The following RYR3 variants were observed in gnomAD, a reference collection of about 807,000 sequenced individuals.
RYR3 encodes brain ryanodine receptor-calcium release channel.
Under a neutral mutation model 584.3 loss-of-function variants are expected in RYR3, and 207 were observed. The observed-to-expected ratio is 0.35, with a 90% CI of 0.32 to 0.40. The LOEUF is 0.40. RYR3 is among the 10% of genes least tolerant of loss of function. RYR3 has a pLI of 1.00. For synonymous variants in RYR3, 2,416 were observed against 2,248.5 expected (o/e 1.07, Z -2.11); for missense variants, 5,616 against 6,089.2 (o/e 0.92, Z 2.59).
chr15:33,664,404 T>C (rs1156524499), intron 36 of RYR3, among the ~76,000 whole-genome samples: 1 of 152,000 alleles, frequency 6.6e-6, no homozygotes, highest in African/African-American at 2.4e-5. Context: ...TTCTGTAGAA[T>C]AGGAGTTTCC....
At chr15:33,810,789 C>A in intron 71 of RYR3, 140 bp downstream of exon 71, 1 of 1,133,400 alleles carries the variant, frequency 8.8e-7, no homozygotes, top group Non-Finnish European at 1.3e-6. Flanking sequence ...AGGCAACACG[C>A]CCTCATCTTT....
At chr15:33,758,390 T>C (rs544884776) in intron 60 of RYR3, among the ~76,000 whole-genome samples, 3 of 152,272 alleles carry the variant, frequency 2.0e-5, no homozygotes, top group Admixed American at 2.0e-4. Context: ...GAAGATCCAC[T>C]GGCTTGAAAT....
chr15:33,820,527 C>T (rs765375997), intron 77 of RYR3, among the ~76,000 whole-genome samples: 2 of 152,188 alleles, frequency 1.3e-5, no homozygotes, highest in African/African-American at 2.4e-5. Flanking sequence ...ATGATGTGAG[C>T]TCTGTGTTCT....
intron 10 of RYR3, among the ~76,000 whole-genome samples, chr15:33,552,600 A>G (rs546102322): frequency 1.3e-5 from 2 of 152,172 alleles, no homozygotes; most frequent in Admixed American, 6.5e-5. Flanking sequence ...CTTCATTTCA[A>G]TTTGAAAGGA....
At chr15:33,812,122 C>T (rs1196378982) in intron 72 of RYR3, among the ~76,000 whole-genome samples, 1 of 152,038 alleles carries the variant, frequency 6.6e-6, no homozygotes, top group African/African-American at 2.4e-5. Flanking sequence ...AAATACAGAG[C>T]AAGAAACTTC....
intron 2 of RYR3, among the ~76,000 whole-genome samples, chr15:33,497,808 C>T (rs950607717): frequency 3.9e-5 from 6 of 152,088 alleles, no homozygotes; most frequent in African/African-American, 1.4e-4. Context: ...CTATAGAACA[C>T]TAGAATTTAT....
chr15:33,372,796 G>A (rs575962885), intron 1 of RYR3, among the ~76,000 whole-genome samples: 1 of 152,288 alleles, frequency 6.6e-6, no homozygotes, highest in Admixed American at 6.5e-5. Flanking sequence ...GTGAGCCATA[G>A]CGCCCTGCCC....
intron 19 of RYR3, among the ~76,000 whole-genome samples, chr15:33,616,327 C>T (rs929921310): frequency 6.6e-6 from 1 of 152,146 alleles, no homozygotes; most frequent in African/African-American, 2.4e-5. Context: ...CCGTCTCCCT[C>T]AGAACAGTGA....
In RYR3 at chr15:33,412,078, A is replaced by G. The variant is rs1207828741; in HGVS notation, c.52-61341A>G. ...TCAGCCACACCTGTTGCTGCCATTCAGTAGGCTACTTTGTGTATAGTTTCT... is the reference window on the plus strand; with the variant it reads ...TCAGCCACACCTGTTGCTGCCATTCGGTAGGCTACTTTGTGTATAGTTTCT... On this transcript the variant is annotated intron_variant, in intron 1 of 103. Transcript: ENST00000634891. The surrounding 1 kb of genome is among the most constrained non-coding windows in gnomAD (Gnocchi z 4.3). Among the ~76,000 whole-genome samples the G allele has an allele frequency of 6.6e-6, 1 of 152,188 alleles. No homozygotes were observed. The highest frequency in any genetic ancestry group is 2.4e-5 in the African/African-American group (1 of 41,452).
chr15:33,405,907 T>TATA (rs1376816797), intron 1 of RYR3, among the ~76,000 whole-genome samples: 9 of 152,224 alleles, frequency 5.9e-5, no homozygotes, highest in African/African-American at 2.2e-4. Flanking sequence ...CCACAGTGGC[T>TATA]GTAGGCCCAT....
intron 65 of RYR3, among the ~76,000 whole-genome samples, chr15:33,783,074 T>C (rs1177707938): frequency 3.3e-5 from 5 of 152,146 alleles, no homozygotes; most frequent in African/African-American, 1.2e-4. Context: ...AGAGAAGAGG[T>C]GCTAAAGTGA....
chr15:33,822,973 C>T (rs766245861), intron 80 of RYR3, 23 bp from the exon 81 acceptor site: 1 of 1,603,384 alleles, frequency 6.2e-7, no homozygotes, highest in Non-Finnish European at 8.5e-7. Flanking sequence ...CGCTTTTCCC[C>T]TTACAACGTG....
chr15:33,580,714 G>A (rs1187774285), intron 13 of RYR3, among the ~76,000 whole-genome samples: 1 of 152,204 alleles, frequency 6.6e-6, no homozygotes, highest in Admixed American at 6.5e-5. Context: ...CAGACTCGGA[G>A]ATGTGATGAT....
In RYR3 at chr15:33,746,100, G is replaced by C; in HGVS notation, c.7932G>C (p.Leu2644=). 1 of 1,600,710 alleles carries C rather than the reference G, an allele frequency of 6.2e-7. No individual in the cohort carries two copies. Among genetic ancestry groups the C allele is most frequent in the Non-Finnish European group, 8.5e-7 (1 of 1,173,558 alleles). The part of the protein sequence containing the change: ...SQSGWKYGIS[L]DENVKTHPLI... Reference sequence around the variant, plus strand: ...GTGGATGGAAATATGGGATTTCCCTGGATGAAAATGTGAAGACCCACCCAC... The same window carrying C: ...GTGGATGGAAATATGGGATTTCCCTCGATGAAAATGTGAAGACCCACCCAC... Residue 2644 remains leucine, a synonymous_variant, in exon 53 of 104, where the codon CTG becomes CTC. Coordinates refer to ENST00000634891, the MANE Select transcript of RYR3 (RefSeq NM_001036.6).
chr15:33,617,425 AT>A, intron 19 of RYR3, among the ~76,000 whole-genome samples: 1 of 142,334 alleles, frequency 7.0e-6, no homozygotes, highest in East Asian at 2.1e-4. Flanking sequence ...AAAAAAACGT[AT>A]TTTATAATGA....
chr15:33,665,448 G>T (rs775990713), intron 36 of RYR3, among the ~76,000 whole-genome samples: 1 of 152,194 alleles, frequency 6.6e-6, no homozygotes, highest in Non-Finnish European at 1.5e-5. Flanking sequence ...ATTTGCAATT[G>T]CTTCATGACA....
chr15:33,725,604 A>T (rs1266117593), intron 45 of RYR3, among the ~76,000 whole-genome samples: 1 of 152,048 alleles, frequency 6.6e-6, no homozygotes, highest in South Asian at 2.1e-4. Flanking sequence ...TTGCCCAGTC[A>T]TCATCCCCAG....
intron 1 of RYR3, among the ~76,000 whole-genome samples, chr15:33,445,286 T>G (rs2046541550): frequency 6.6e-6 from 1 of 152,032 alleles, no homozygotes; most frequent in African/African-American, 2.4e-5. Flanking sequence ...GGAACGCTGA[T>G]GGGCTGGATA....
chr15:33,405,906 C>A (rs2042985369), intron 1 of RYR3, among the ~76,000 whole-genome samples: 1 of 152,202 alleles, frequency 6.6e-6, no homozygotes, highest in Non-Finnish European at 1.5e-5. Context: ...CCCACAGTGG[C>A]TGTAGGCCCA....
Sources: allele counts gnomAD v4.1 joint callset (sites outside exome capture counted in the v4.1 genomes callset), GRCh38; gene constraint gnomAD v4.1.1; non-coding constraint Gnocchi (gnomAD v3.1); transcripts MANE v1.5; gene names NCBI Gene and HGNC (gene_info 2026-07-23, HGNC 2026-07-21).